Variants in EPHB2 observed in about 807,000 individuals in gnomAD.
EPHB2 encodes the protein ephrin type-B receptor 2.
In EPHB2, 18 loss-of-function variants were observed where a neutral mutation model predicts 96.4. The observed-to-expected ratio is 0.19, with a 90% CI of 0.13 to 0.28. The LOEUF (loss-of-function observed/expected upper bound fraction) is 0.28. EPHB2 is among the 10% of genes least tolerant of loss of function. EPHB2 has a pLI of 1.00. For synonymous variants in EPHB2, 506 were observed against 534.1 expected (o/e 0.95, Z 0.72); for missense variants, 989 against 1,355.4 (o/e 0.73, Z 4.25).
intron 1 of EPHB2, chr1:22,719,739 C>T (rs1643393083): frequency 6.6e-6 from 1 of 152,134 alleles, no homozygotes; most frequent in African/African-American, 2.4e-5. Flanking sequence ...ATTTTGGAGG[C>T]CTCTTCCAGC....
intron 3 of EPHB2, among the ~76,000 whole-genome samples, chr1:22,854,725 GT>G (rs987794419): frequency 6.6e-6 from 1 of 152,164 alleles, no homozygotes; most frequent in Non-Finnish European, 1.5e-5. Flanking sequence ...TAGGCACACA[GT>G]GCTTAGAAGC....
intron 3 of EPHB2, among the ~76,000 whole-genome samples, chr1:22,818,216 G>A (rs773782744): frequency 1.3e-5 from 2 of 151,952 alleles, no homozygotes; most frequent in Non-Finnish European, 2.9e-5. Context: ...AGTGTACCTG[G>A]CCAGCCCCCC....
At chr1:22,855,737 T>C (rs1299786773) in intron 3 of EPHB2, among the ~76,000 whole-genome samples, 1 of 152,214 alleles carries the variant, frequency 6.6e-6, no homozygotes, top group Non-Finnish European at 1.5e-5. Context: ...TTATGGGTGC[T>C]TTACTTTCAT....
At chr1:22,908,988 C>T (rs747715863) in intron 12 of EPHB2, 34 bp from the exon 13 acceptor site, 1 of 1,613,862 alleles carries the variant, frequency 6.2e-7, no homozygotes, top group Admixed American at 1.7e-5. Flanking sequence ...AGGCCAGCCT[C>T]CCACCCACAA....
chr1:22,735,016 C>T (rs1198557618), intron 1 of EPHB2, among the ~76,000 whole-genome samples: 2 of 152,144 alleles, frequency 1.3e-5, no homozygotes, highest in African/African-American at 4.8e-5. Flanking sequence ...GACTGAGGCT[C>T]AAGGGAGGGT....
At chr1:22,888,150 T>C (rs1197560912) in intron 6 of EPHB2, among the ~76,000 whole-genome samples, 1 of 152,196 alleles carries the variant, frequency 6.6e-6, no homozygotes, top group East Asian at 1.9e-4. Flanking sequence ...CAAGTGATTC[T>C]CCAGCCTCAG....
chr1:22,810,369 G>A (rs962658258), intron 3 of EPHB2, among the ~76,000 whole-genome samples: 64 of 152,134 alleles, frequency 4.2e-4, no homozygotes, highest in East Asian at 1.9e-4. Context: ...GGGAGCTGGT[G>A]GATTGCTTGG....
At chr1:22,892,075 G>A (rs990718641) in intron 6 of EPHB2, among the ~76,000 whole-genome samples, 5 of 151,866 alleles carry the variant, frequency 3.3e-5, no homozygotes, top group Non-Finnish European at 7.4e-5. Context: ...GGGATTACAG[G>A]TGTGAGCCAC....
At chr1:22,777,722 G>C (rs889258424) in intron 1 of EPHB2, among the ~76,000 whole-genome samples, 1 of 152,182 alleles carries the variant, frequency 6.6e-6, no homozygotes, top group Non-Finnish European at 1.5e-5. Flanking sequence ...ATGTTGGCAG[G>C]CATATCTGGG....
Position 22,717,525 on chromosome 1 carries a change from G to C in EPHB2, c.61+6482G>C, listed in dbSNP as rs1206213884. Among the ~76,000 whole-genome samples the C allele has an allele frequency of 3.3e-5, 5 of 152,180 alleles. No individual in the cohort carries two copies. The South Asian group carries it at 8.3e-4, about 25-fold the overall frequency. On this transcript the variant is annotated intron_variant, in intron 1 of 15. Transcript: ENST00000374630. ...CTCAGAAGAGGGGACCTTGCCTGCT[G>C]TGTGGCCTTGACCAAGTGATCCACT...
At chr1:22,877,799 C>T (rs1257181590) in intron 5 of EPHB2, among the ~76,000 whole-genome samples, 1 of 152,208 alleles carries the variant, frequency 6.6e-6, no homozygotes, top group African/African-American at 2.4e-5. Context: ...CCTGAATCCA[C>T]TAGTCCTCAA....
chr1:22,737,177 T>C (rs1367726958), intron 1 of EPHB2, among the ~76,000 whole-genome samples: 1 of 152,130 alleles, frequency 6.6e-6, no homozygotes, highest in Admixed American at 6.5e-5. Context: ...CTGCCTGCCT[T>C]TCTGTTCCTA....
At position 22,917,757 on chromosome 1, in the gene EPHB2, C is replaced by G. The variant is rs1241051517; in HGVS notation, c.*4187C>G. 1.3e-5 allele frequency: 2 copies of G among 152,194 alleles called. No homozygotes were observed. Among genetic ancestry groups the G allele is most frequent in the African/African-American group, 4.8e-5 (2 of 41,430 alleles). The allele number at this position is 152,194 out of a possible 1,614,324, so 9.4% of individuals were successfully genotyped here. A position where few individuals can be genotyped will look rare whatever the true frequency, so the allele number is the denominator to read the frequency against. On this transcript the variant is annotated 3_prime_UTR_variant, in exon 16 of 16. Coordinates refer to ENST00000374630, the MANE Select transcript of EPHB2 (RefSeq NM_017449.5). ...CCATGAGCTTTGGATTTTTCTGTTT[C>G]CAATGTCTCCTCTACCGTGCTCAAT...
chr1:22,738,853 T>A (rs1643871459), intron 1 of EPHB2, among the ~76,000 whole-genome samples: 1 of 152,128 alleles, frequency 6.6e-6, no homozygotes, highest in South Asian at 2.1e-4. Flanking sequence ...CGGGAACCTC[T>A]AGACCAAGGT....
At chr1:22,712,707 C>T (rs1221308178) in intron 1 of EPHB2, among the ~76,000 whole-genome samples, 1 of 152,142 alleles carries the variant, frequency 6.6e-6, no homozygotes, top group African/African-American at 2.4e-5. Context: ...TAGGGTGCCA[C>T]GGGCCCTGGG....
At chr1:22,783,583 C>T (rs976351071) in intron 2 of EPHB2, among the ~76,000 whole-genome samples, 1 of 152,208 alleles carries the variant, frequency 6.6e-6, no homozygotes, top group African/African-American at 2.4e-5. Flanking sequence ...CCCAGGAGGG[C>T]ACAGAAGTGT....
intron 7 of EPHB2, 50 bp downstream of exon 7, chr1:22,893,096 A>G: frequency 1.2e-6 from 2 of 1,613,526 alleles, no homozygotes; most frequent in South Asian, 1.1e-5. Flanking sequence ...CACAAACAGA[A>G]CAAACTCAAG....
chr1:22,912,640 C>T (rs1017794091), intron 15 of EPHB2, 41 bp downstream of exon 15: 1 of 1,609,896 alleles, frequency 6.2e-7, no homozygotes, highest in African/African-American at 1.3e-5. Context: ...TTAGCACCCC[C>T]TCTCCACCGG....
At chr1:22,873,150 C>T (rs1320814157) in intron 5 of EPHB2, among the ~76,000 whole-genome samples, 3 of 152,234 alleles carry the variant, frequency 2.0e-5, no homozygotes, top group African/African-American at 7.2e-5. Flanking sequence ...GAACAAGAAG[C>T]ACTTAGCTAG....
Sources: allele counts gnomAD v4.1 joint callset (sites outside exome capture counted in the v4.1 genomes callset), GRCh38; gene constraint gnomAD v4.1.1; transcripts MANE v1.5; gene names NCBI Gene and HGNC (gene_info 2026-07-23, HGNC 2026-07-21).